PABPC4L: variants seen among roughly 807,000 people sequenced by gnomAD.
The protein encoded by PABPC4L is poly(A) binding protein cytoplasmic 4 like.
For missense variants in PABPC4L, 452 were observed against 451.4 expected (o/e 1.00, Z -0.01); for synonymous variants, 169 against 164.1 (o/e 1.03, Z -0.23).
the PABPC4L span, among the ~76,000 whole-genome samples, chr4:134,183,862 C>T: frequency 2.6e-5 from 4 of 151,314 alleles, no homozygotes; most frequent in East Asian, 7.8e-4. Flanking sequence ...TTTAATTCTC[C>T]TTAAATGTAT....
chr4:134,068,941 C>T, the PABPC4L span, among the ~76,000 whole-genome samples: 1 of 152,028 alleles, frequency 6.6e-6, no homozygotes, highest in Non-Finnish European at 1.5e-5. Context: ...AACTCCTGAC[C>T]TCAGGTGATC....
At chr4:133,961,612 C>T in the PABPC4L span, among the ~76,000 whole-genome samples, 1 of 152,108 alleles carries the variant, frequency 6.6e-6, no homozygotes, top group African/African-American at 2.4e-5. Flanking sequence ...CTTTGGGTCC[C>T]CTCCCATTAC....
chr4:134,155,876 A>G, the PABPC4L span, among the ~76,000 whole-genome samples: 1 of 152,032 alleles, frequency 6.6e-6, no homozygotes, highest in Non-Finnish European at 1.5e-5. Context: ...GATAGCTGTT[A>G]GTTTCTAAGT....
chr4:133,973,853 C>A, the PABPC4L span, among the ~76,000 whole-genome samples: 1 of 152,104 alleles, frequency 6.6e-6, no homozygotes, highest in Non-Finnish European at 1.5e-5. Context: ...GCTAGCCAAA[C>A]CACTTAAAAT....
At chr4:134,088,682 G>A in the PABPC4L span, among the ~76,000 whole-genome samples, 1 of 152,000 alleles carries the variant, frequency 6.6e-6, no homozygotes, top group Non-Finnish European at 1.5e-5. Flanking sequence ...TGGTAGTAAA[G>A]ACCAAGTTCT....
the PABPC4L span, among the ~76,000 whole-genome samples, chr4:133,966,257 T>C: frequency 6.6e-6 from 1 of 152,046 alleles, no homozygotes; most frequent in Non-Finnish European, 1.5e-5. Context: ...AAAACCACAA[T>C]GTGATACCAC....
the PABPC4L span, among the ~76,000 whole-genome samples, chr4:134,023,658 A>G: frequency 6.6e-6 from 1 of 152,028 alleles, no homozygotes; most frequent in Non-Finnish European, 1.5e-5. Flanking sequence ...ATTTTTTTAA[A>G]AAACATGTAA....
At chr4:134,006,941 G>T in the PABPC4L span, among the ~76,000 whole-genome samples, 2 of 151,768 alleles carry the variant, frequency 1.3e-5, no homozygotes, top group Admixed American at 6.6e-5. Flanking sequence ...TGTGAATACT[G>T]TCAAGTTTAT....
At chr4:134,173,135 A>G in the PABPC4L span, among the ~76,000 whole-genome samples, 17 of 131,328 alleles carry the variant, frequency 1.3e-4, no homozygotes, top group Admixed American at 1.5e-3. Context: ...AAGAGCTACT[A>G]TGGAGAACAC....
the PABPC4L span, among the ~76,000 whole-genome samples, chr4:133,987,807 C>A: frequency 6.6e-6 from 1 of 152,122 alleles, no homozygotes; most frequent in Non-Finnish European, 1.5e-5. Context: ...TACAAGCATA[C>A]TTTGTATTAG....
downstream of PABPC4L, chr4:134,196,304 TAATA>T (rs1336641892): frequency 5.9e-5 from 9 of 151,686 alleles, no homozygotes; most frequent in African/African-American, 1.9e-4. Context: ...AAATACTTTA[TAATA>T]AATAAAAATC....
At chr4:133,953,064 G>T in the PABPC4L span, among the ~76,000 whole-genome samples, 4 of 152,030 alleles carry the variant, frequency 2.6e-5, no homozygotes, top group Non-Finnish European at 5.9e-5. Flanking sequence ...TTCCTGGTGG[G>T]ACCTGCTCAG....
At chr4:133,954,200 T>C in the PABPC4L span, among the ~76,000 whole-genome samples, 2 of 152,220 alleles carry the variant, frequency 1.3e-5, no homozygotes, top group East Asian at 3.9e-4. Flanking sequence ...CCCCCTGATC[T>C]TCCTGTTCTT....
the PABPC4L span, among the ~76,000 whole-genome samples, chr4:133,995,987 A>G: frequency 6.6e-6 from 1 of 152,126 alleles, no homozygotes; most frequent in East Asian, 1.9e-4. Context: ...ATAGGTTCAT[A>G]CACCTGATTG....
the PABPC4L span, among the ~76,000 whole-genome samples, chr4:134,077,970 A>C: frequency 6.6e-6 from 1 of 152,206 alleles, no homozygotes; most frequent in Non-Finnish European, 1.5e-5. Flanking sequence ...AAAAAACAAA[A>C]CAAAACAAAG....
At chr4:134,089,198 T>C in the PABPC4L span, among the ~76,000 whole-genome samples, 1 of 152,186 alleles carries the variant, frequency 6.6e-6, no homozygotes, top group Admixed American at 6.5e-5. Context: ...TATAAATTTT[T>C]ATTATTTATT....
the PABPC4L span, among the ~76,000 whole-genome samples, chr4:133,957,516 A>C: frequency 2.0e-5 from 3 of 152,130 alleles, no homozygotes; most frequent in Non-Finnish European, 2.9e-5. Context: ...GCAAGTTGTC[A>C]GTGGATCTAC....
chr4:134,086,968 A>G, the PABPC4L span, among the ~76,000 whole-genome samples: 1 of 147,398 alleles, frequency 6.8e-6, no homozygotes, highest in Non-Finnish European at 1.5e-5. Flanking sequence ...CCACCCCACA[A>G]CAGTCCCCAG....
the PABPC4L span, among the ~76,000 whole-genome samples, chr4:133,966,644 A>T: frequency 6.6e-6 from 1 of 152,308 alleles, no homozygotes; most frequent in Non-Finnish European, 1.5e-5. Flanking sequence ...AGCATGAATT[A>T]ATGGCATTCA....
Sources: gnomAD v4.1 joint callset for allele counts (sites outside exome capture counted in the v4.1 genomes callset) on GRCh38, gnomAD v4.1.1 for gene constraint, MANE v1.5 for transcripts, NCBI Gene and HGNC (gene_info 2026-07-23, HGNC 2026-07-21) for gene names.